BNC2: variants seen among roughly 807,000 people sequenced by gnomAD.
BNC2 encodes zinc finger protein basonuclin-2.
In BNC2, 20 loss-of-function variants were observed where a neutral mutation model predicts 76.3. The observed-to-expected ratio is 0.26, with a 90% CI of 0.18 to 0.38. The LOEUF (loss-of-function observed/expected upper bound fraction) is 0.38, where lower values mean the gene tolerates loss of function less well. BNC2 is among the 10% of genes least tolerant of loss of function. The pLI is 1.00. For missense variants in BNC2, 1,382 were observed against 1,399.8 expected, an observed-to-expected ratio of 0.99 and a Z score of 0.20; for synonymous variants, 582 against 514.8, an observed-to-expected ratio of 1.13 and a Z score of -1.77.
Position 16,825,351 on chromosome 9 carries a change from T to A in BNC2, c.3+45295A>T, listed in dbSNP as rs1563960205. Among the ~76,000 whole-genome samples, 3 of 152,178 alleles carry A rather than the reference T, an allele frequency of 2.0e-5. No individual in the cohort carries two copies. In the South Asian group the frequency reaches 6.2e-4, roughly 32 times the overall value. On this transcript the variant is annotated intron_variant, in intron 1 of 6. Coordinates refer to ENST00000380672, the MANE Select transcript of BNC2 (RefSeq NM_017637.6). ...GTTCTGAAATCCCTATTCTCCTCTT[T>A]ATTTTTGTCTCAATATCTCATTCCA...
At chr9:16,642,190 T>G (rs1178118204) in intron 3 of BNC2, among the ~76,000 whole-genome samples, 4 of 152,210 alleles carry the variant, frequency 2.6e-5, no homozygotes, top group African/African-American at 9.6e-5. Context: ...AATACAAGTT[T>G]TGTTGTTTAC....
At chr9:16,770,037 T>C (rs1205642082) in intron 1 of BNC2, among the ~76,000 whole-genome samples, 2 of 152,156 alleles carry the variant, frequency 1.3e-5, no homozygotes, top group African/African-American at 2.4e-5. Flanking sequence ...AATGAATTAC[T>C]TGACCCAAAA....
At chr9:16,640,794 T>G (rs1456041661) in intron 3 of BNC2, among the ~76,000 whole-genome samples, 1 of 152,180 alleles carries the variant, frequency 6.6e-6, no homozygotes, top group Admixed American at 6.5e-5. Context: ...GAGTCCAAAC[T>G]GGGCATCAGA....
chr9:16,418,664 CTGTGTG>C lies in BNC2; in HGVS notation c.*319_*324del, dbSNP rs139823578. On this transcript the variant is annotated 3_prime_UTR_variant, in exon 7 of 7. Transcript: ENST00000380672. ...TGTCAAAACTGGGGCTAGTTGCACACTGTGTGTGTGTGTGTGTGTGTGTGTGTATGT... is the reference window on the plus strand; with the variant it reads ...TGTCAAAACTGGGGCTAGTTGCACACTGTGTGTGTGTGTGTGTGTGTATGT... 8.2e-4 allele frequency: 176 copies of C among 214,774 alleles called. No homozygotes were observed. Among genetic ancestry groups the C allele is most frequent in the African/African-American group, 3.2e-3 (132 of 40,768 alleles). 13.3% of individuals were successfully genotyped at this position (214,774 alleles called of 1,614,324 possible). A position where few individuals can be genotyped will look rare whatever the true frequency, so the allele number is the denominator to read the frequency against.
intron 4 of BNC2, among the ~76,000 whole-genome samples, chr9:16,580,502 G>C (rs569805801): frequency 6.6e-6 from 1 of 152,306 alleles, no homozygotes; most frequent in Non-Finnish European, 1.5e-5. Flanking sequence ...TCTTATTCAA[G>C]TTGGGTGAAA....
intron 1 of BNC2, among the ~76,000 whole-genome samples, chr9:16,831,711 C>A (rs141303376): frequency 6.6e-6 from 1 of 152,274 alleles, no homozygotes; most frequent in Non-Finnish European, 1.5e-5. Flanking sequence ...GAACTCGACA[C>A]ACTTCTGTCC....
intron 4 of BNC2, among the ~76,000 whole-genome samples, chr9:16,567,102 C>G (rs372179340): frequency 7.3e-4 from 111 of 152,176 alleles, no homozygotes; most frequent in African/African-American, 2.6e-3. Context: ...GATATAATTT[C>G]AATAAATATT....
At chr9:16,447,163 GTTGAT>G (rs1821247687) in intron 5 of BNC2, among the ~76,000 whole-genome samples, 1 of 152,058 alleles carries the variant, frequency 6.6e-6, no homozygotes, top group South Asian at 2.1e-4. Flanking sequence ...ACTAAATCCA[GTTGAT>G]ATTCCTAGTA....
At chr9:16,439,850 C>T (rs1821090682) in intron 5 of BNC2, among the ~76,000 whole-genome samples, 1 of 152,180 alleles carries the variant, frequency 6.6e-6, no homozygotes, top group African/African-American at 2.4e-5. Context: ...AACTGTCAAA[C>T]ACAGATGTCC....
intron 1 of BNC2, among the ~76,000 whole-genome samples, chr9:16,812,930 C>T (rs1034810224): frequency 6.6e-6 from 1 of 152,080 alleles, no homozygotes; most frequent in African/African-American, 2.4e-5. Flanking sequence ...AATTCCTGGC[C>T]GGGCGCGGTG....
chr9:16,555,499 TAGTA>T (rs1046618257), intron 4 of BNC2, among the ~76,000 whole-genome samples: 11 of 152,188 alleles, frequency 7.2e-5, no homozygotes, highest in African/African-American at 2.7e-4. Flanking sequence ...TACCATATGT[TAGTA>T]AGTATGAATA....
intron 4 of BNC2, among the ~76,000 whole-genome samples, chr9:16,567,751 T>C (rs1210681401): frequency 1.3e-5 from 2 of 152,218 alleles, no homozygotes; most frequent in East Asian, 3.9e-4. Context: ...AGTGACTCAG[T>C]TGGTTTCCAC....
chr9:16,694,792 C>G (rs1025008201), intron 3 of BNC2, among the ~76,000 whole-genome samples: 19 of 152,090 alleles, frequency 1.2e-4, no homozygotes, highest in African/African-American at 3.9e-4. Flanking sequence ...CACAATCCCC[C>G]CTCCAAGCCT....
intron 3 of BNC2, among the ~76,000 whole-genome samples, chr9:16,713,920 C>T (rs140650332): frequency 7.2e-4 from 110 of 152,228 alleles, no homozygotes; most frequent in African/African-American, 2.6e-3. Flanking sequence ...ACAAAAAATA[C>T]AAAAATCACC....
Position 16,650,600 on chromosome 9 carries a change from A to G in BNC2, c.331-67515T>C, listed in dbSNP as rs181033822. 3.6e-3 allele frequency among the ~76,000 whole-genome samples: 550 copies of G among 151,732 alleles called. 4 individuals are homozygous for G. Among genetic ancestry groups the G allele is most frequent in the African/African-American group, 0.012 (512 of 41,164 alleles). ...ACTAATTACTCACTGATTTGTGTTT[A>G]TAAATAATGGCATTTCAGACCAAAG... On this transcript the variant is annotated intron_variant, in intron 3 of 6. Transcript: ENST00000380672.
At chr9:16,525,190 G>C (rs1336830866) in intron 5 of BNC2, among the ~76,000 whole-genome samples, 2 of 151,930 alleles carry the variant, frequency 1.3e-5, no homozygotes, top group African/African-American at 2.4e-5. Flanking sequence ...AGGACTTGAA[G>C]ATCTTTCTAA....
At chr9:16,574,691 G>T (rs933682058) in intron 4 of BNC2, among the ~76,000 whole-genome samples, 1 of 148,462 alleles carries the variant, frequency 6.7e-6, no homozygotes, top group Non-Finnish European at 1.5e-5. Context: ...GGAGACACTA[G>T]ATATTATCAT....
At chr9:16,494,294 A>G (rs1822339449) in intron 5 of BNC2, among the ~76,000 whole-genome samples, 2 of 152,102 alleles carry the variant, frequency 1.3e-5, no homozygotes, top group South Asian at 4.1e-4. Flanking sequence ...CTAGGATTAC[A>G]GGCCTGTGCC....
intron 3 of BNC2, among the ~76,000 whole-genome samples, chr9:16,618,056 G>A (rs150994294): frequency 4.1e-4 from 63 of 152,234 alleles, no homozygotes; most frequent in African/African-American, 1.4e-3. Context: ...AGCAACTTTC[G>A]GGGCTACCTA....
Sources: gnomAD v4.1 joint callset for allele counts (sites outside exome capture counted in the v4.1 genomes callset) on GRCh38, gnomAD v4.1.1 for gene constraint, MANE v1.5 for transcripts, NCBI Gene and HGNC (gene_info 2026-07-23, HGNC 2026-07-21) for gene names.